BMP6: variants seen among roughly 807,000 people sequenced by gnomAD.
BMP6 encodes bone morphogenetic protein 6.
Under a neutral mutation model 54.1 loss-of-function variants are expected in BMP6, and 17 were observed. The ratio of observed to expected loss-of-function variants is 0.31; its 90% CI spans 0.22 to 0.47. The LOEUF is 0.47. BMP6 is among the 20% of genes least tolerant of loss of function. The pLI, the probability that BMP6 is intolerant of heterozygous loss-of-function variation, is 1.00. For missense variants in BMP6, 720 were observed against 690.4 expected, an observed-to-expected ratio of 1.04 and a Z score of -0.48; for synonymous variants, 328 against 291.2, an observed-to-expected ratio of 1.13 and a Z score of -1.28.
At chr6:7,878,932 G>A in intron 4 of BMP6, 142 bp from the exon 5 acceptor site, 3 of 793,064 alleles carry the variant, frequency 3.8e-6, no homozygotes, top group East Asian at 4.9e-5. Flanking sequence ...ACCTGATGTA[G>A]CTGTTGGGTG....
chr6:7,765,544 G>A (rs1303052328), intron 1 of BMP6, among the ~76,000 whole-genome samples: 1 of 152,188 alleles, frequency 6.6e-6, no homozygotes, highest in Non-Finnish European at 1.5e-5. Context: ...TACATTTCTC[G>A]CCATGTCAGC....
At chr6:7,788,737 T>A (rs1758052522) in intron 1 of BMP6, among the ~76,000 whole-genome samples, 1 of 152,182 alleles carries the variant, frequency 6.6e-6, no homozygotes, top group Non-Finnish European at 1.5e-5. Flanking sequence ...TTTAAGTAAA[T>A]GTGTTAACAT....
intron 1 of BMP6, among the ~76,000 whole-genome samples, chr6:7,778,369 A>AG (rs1757893151): frequency 6.6e-6 from 1 of 152,140 alleles, no homozygotes; most frequent in South Asian, 2.1e-4. Context: ...TCAATCCTTG[A>AG]GGTAGTTGCT....
At position 7,805,673 on chromosome 6, in the gene BMP6, A is replaced by G. The variant is rs1028120683; in HGVS notation, c.665-39467A>G. On this transcript the variant is annotated intron_variant, in intron 1 of 6. Coordinates refer to ENST00000283147, the MANE Select transcript of BMP6 (RefSeq NM_001718.6). ...AGCGCCTATTTCATTATGACTGGGG[A>G]AAACAAACAGTGTCAATATTTGGTA... 2.0e-5 allele frequency among the ~76,000 whole-genome samples: 3 copies of G among 152,212 alleles called. No individual in the cohort carries two copies. The South Asian group carries it at 6.2e-4, about 32-fold the overall frequency.
At chr6:7,863,528 C>T (rs909830293) in intron 4 of BMP6, among the ~76,000 whole-genome samples, 1 of 152,144 alleles carries the variant, frequency 6.6e-6, no homozygotes, top group Non-Finnish European at 1.5e-5. Context: ...CTCCGGTTGG[C>T]TTGGCTGGGG....
intron 1 of BMP6, among the ~76,000 whole-genome samples, chr6:7,731,132 A>G (rs1173398396): frequency 6.6e-6 from 1 of 152,186 alleles, no homozygotes; most frequent in Non-Finnish European, 1.5e-5. Flanking sequence ...GGGATGTGTC[A>G]CCTTCTAAAT....
intron 1 of BMP6, among the ~76,000 whole-genome samples, chr6:7,844,570 T>C (rs1759029919): frequency 6.6e-6 from 1 of 152,072 alleles, no homozygotes. Flanking sequence ...TGAAGACCCT[T>C]TACACTTCAG....
rs1485350996 is a variant in BMP6 at position 7,845,166 on chromosome 6, C to T, written c.691C>T (p.Arg231Cys). Residue 231 changes from arginine (R) to cysteine (C), a missense_variant, in exon 2 of 7, where the codon CGT becomes TGT. Around this residue, in one of 3 missense-constraint regions of BMP6, gnomAD observed 650 missense variants for 556.3 expected, o/e 1.17. Transcript: ENST00000283147. Reference sequence around the variant, plus strand: ...GGAGTACGACAAGGAGTTCTCCCCTCGTCAGCGACACCACAAAGAGTTCAA... The same window carrying T: ...GGAGTACGACAAGGAGTTCTCCCCTTGTCAGCGACACCACAAAGAGTTCAA... ...LVEYDKEFSPRQRHHKEFKFN... is the reference protein window; with the variant it reads ...LVEYDKEFSPCQRHHKEFKFN... 1.2e-6 allele frequency: 2 copies of T among 1,613,632 alleles called. No individual in the cohort carries two copies. Among genetic ancestry groups the T allele is most frequent in the East Asian group, 2.2e-5 (1 of 44,876 alleles).
chr6:7,835,144 A>G (rs1268405554), intron 1 of BMP6, among the ~76,000 whole-genome samples: 4 of 146,540 alleles, frequency 2.7e-5, no homozygotes, highest in Non-Finnish European at 3.0e-5. Context: ...TGTTTTTGAG[A>G]CGGAGTCTTG....
chr6:7,833,331 A>G (rs2113238353), intron 1 of BMP6, among the ~76,000 whole-genome samples: 1 of 152,288 alleles, frequency 6.6e-6, no homozygotes, highest in South Asian at 2.1e-4. Flanking sequence ...TAGCTTCTAT[A>G]TTGGACAGTA....
chr6:7,731,516 C>A (rs960365266), intron 1 of BMP6, among the ~76,000 whole-genome samples: 1 of 152,184 alleles, frequency 6.6e-6, no homozygotes, highest in Admixed American at 6.5e-5. Flanking sequence ...TGTCAGCCTC[C>A]AAAGGCGGAA....
rs979265688 is a variant in BMP6, at chr6:7,817,647, A to G, written c.665-27493A>G. On this transcript the variant is annotated intron_variant, in intron 1 of 6. Transcript: ENST00000283147. ...TAAATGATGAGTTAATGGGTGCAGC[A>G]CACCAACATGGCACATGTATACATA... Among the ~76,000 whole-genome samples the G allele has an allele frequency of 4.6e-5, 7 of 152,018 alleles. No individual in the cohort carries two copies. The South Asian group carries it at 6.2e-4, about 14-fold the overall frequency.
At position 7,768,460 on chromosome 6, in the gene BMP6, G is replaced by A. The variant is rs150379129; in HGVS notation, c.664+40841G>A. Among the ~76,000 whole-genome samples, 53 of 152,240 alleles carry A rather than the reference G, an allele frequency of 3.5e-4. No homozygotes were observed. In the East Asian group the frequency reaches 7.7e-3, roughly 22 times the overall value. ...TTTGTTTTGCCCTGGGCAGAGTGGGGTCCTCTGGGTGTTTCCAGGCCATGG... is the reference window on the plus strand; with the variant it reads ...TTTGTTTTGCCCTGGGCAGAGTGGGATCCTCTGGGTGTTTCCAGGCCATGG... On this transcript the variant is annotated intron_variant, in intron 1 of 6. Coordinates refer to ENST00000283147, the MANE Select transcript of BMP6 (RefSeq NM_001718.6).
intron 1 of BMP6, among the ~76,000 whole-genome samples, chr6:7,827,237 C>T (rs1312943068): frequency 2.6e-5 from 4 of 152,196 alleles, no homozygotes; most frequent in South Asian, 2.1e-4. Flanking sequence ...GCCCCCTGTG[C>T]GGACCTGCTG....
In BMP6 at chr6:7,726,896, G is replaced by A. The variant is rs1761734970; in HGVS notation, c.-60G>A. On this transcript the variant is annotated 5_prime_UTR_variant, in exon 1 of 7. Transcript: ENST00000283147. ...CCAAGGGCCACAGCGGCCGCGCTCC[G>A]GCCTCGCTCCGCCGCTCCACGCCTC... The A allele has an allele frequency of 9.3e-7, 1 of 1,071,152 alleles. No homozygotes were observed. The highest frequency in any genetic ancestry group is 1.1e-6 in the Non-Finnish European group (1 of 881,046). The allele number at this position is 1,071,152 out of a possible 1,614,324, so 66.4% of individuals were successfully genotyped here.
In BMP6 at chr6:7,880,813, C is replaced by T. The variant is rs1759708229; in HGVS notation, c.*470C>T. ...GAAATCGGGGAAGTGGGGGGAACGC[C>T]TCTGTTCAGTTCATTCCCAGAAGTC... On this transcript the variant is annotated 3_prime_UTR_variant, in exon 7 of 7. Coordinates refer to ENST00000283147, the MANE Select transcript of BMP6 (RefSeq NM_001718.6). 2 of 181,798 alleles carry T rather than the reference C, an allele frequency of 1.1e-5. No homozygotes were observed. The highest frequency in any genetic ancestry group is 2.5e-4 in the South Asian group (2 of 7,926). The allele number at this position is 181,798 out of a possible 1,614,324, so 11.3% of individuals were successfully genotyped here.
At chr6:7,730,605 A>T (rs745595015) in intron 1 of BMP6, among the ~76,000 whole-genome samples, 1 of 152,208 alleles carries the variant, frequency 6.6e-6, no homozygotes, top group Non-Finnish European at 1.5e-5. Flanking sequence ...ATGTAGCAAT[A>T]GGAAAGGGGT....
At chr6:7,841,440 T>G (rs1758967051) in intron 1 of BMP6, among the ~76,000 whole-genome samples, 1 of 152,238 alleles carries the variant, frequency 6.6e-6, no homozygotes, top group African/African-American at 2.4e-5. Context: ...TTGGAAACAT[T>G]ACTGTTTTAC....
At chr6:7,786,891 C>T (rs890066219) in intron 1 of BMP6, among the ~76,000 whole-genome samples, 4 of 152,174 alleles carry the variant, frequency 2.6e-5, no homozygotes, top group Admixed American at 2.0e-4. Flanking sequence ...CAGCAGCCAG[C>T]TGTCAATAAT....
Sources: allele counts gnomAD v4.1 joint callset (sites outside exome capture counted in the v4.1 genomes callset), GRCh38; gene constraint gnomAD v4.1.1; regional missense constraint gnomAD v4.1.1; transcripts MANE v1.5; gene names NCBI Gene and HGNC (gene_info 2026-07-23, HGNC 2026-07-21).